Variants in DCDC1 observed in about 807,000 individuals in gnomAD.
DCDC1 encodes doublecortin domain-containing protein 1.
Under a neutral mutation model 178.3 loss-of-function variants are expected in DCDC1, and 200 were observed. The ratio of observed to expected loss-of-function variants is 1.12; its 90% CI spans 1.00 to 1.26. The LOEUF (loss-of-function observed/expected upper bound fraction) is 1.26, where lower values mean the gene tolerates loss of function less well. Ranked by LOEUF, DCDC1 falls within the 50% of genes most tolerant of loss-of-function variation. The pLI, the probability that DCDC1 is intolerant of heterozygous loss-of-function variation, is 0.00. For missense variants in DCDC1, 1,983 were observed against 1,749.2 expected, an observed-to-expected ratio of 1.13 and a Z score of -2.38; for synonymous variants, 690 against 604.8, an observed-to-expected ratio of 1.14 and a Z score of -2.07.
intron 37 of DCDC1, 141 bp from the exon 38 acceptor site, chr11:30,878,852 T>A: frequency 2.9e-6 from 2 of 686,750 alleles, no homozygotes; most frequent in Non-Finnish European, 4.6e-6. Context: ...CAACTTTGAC[T>A]TCTTATCACA....
chr11:31,220,873 G>T (rs754845494), intron 9 of DCDC1, among the ~76,000 whole-genome samples: 21 of 152,122 alleles, frequency 1.4e-4, no homozygotes, highest in Non-Finnish European at 2.9e-4. Context: ...TTCCTGGGTT[G>T]CAAACAACTG....
At chr11:31,197,024 T>G (rs1970772765) in intron 9 of DCDC1, among the ~76,000 whole-genome samples, 1 of 152,132 alleles carries the variant, frequency 6.6e-6, no homozygotes, top group African/African-American at 2.4e-5. Flanking sequence ...GATGCTCCTA[T>G]TACCCTTATC....
chr11:31,185,314 C>T (rs891133101), intron 9 of DCDC1, among the ~76,000 whole-genome samples: 6 of 152,116 alleles, frequency 3.9e-5, no homozygotes, highest in Admixed American at 1.3e-4. Context: ...ATGTAGATGA[C>T]GGGTTGATGG....
chr11:31,029,556 AT>A (rs985318761), intron 20 of DCDC1, among the ~76,000 whole-genome samples: 4 of 152,142 alleles, frequency 2.6e-5, no homozygotes, highest in Non-Finnish European at 4.4e-5. Flanking sequence ...AATTGACATT[AT>A]TTTAGCAAAC....
chr11:31,349,088 T>G (rs532530392), intron 1 of DCDC1, among the ~76,000 whole-genome samples: 1 of 152,178 alleles, frequency 6.6e-6, no homozygotes, highest in Non-Finnish European at 1.5e-5. Flanking sequence ...TTATGTTTCC[T>G]GTTGGAATTT....
chr11:31,257,094 G>A (rs758503391), intron 8 of DCDC1, among the ~76,000 whole-genome samples: 4 of 152,118 alleles, frequency 2.6e-5, no homozygotes, highest in African/African-American at 7.2e-5. Context: ...TAAATCTGTA[G>A]GCCAGCGCTT....
At chr11:31,224,416 A>G (rs894539358) in intron 9 of DCDC1, among the ~76,000 whole-genome samples, 1 of 152,098 alleles carries the variant, frequency 6.6e-6, no homozygotes, top group African/African-American at 2.4e-5. Flanking sequence ...ATTCTAGAAG[A>G]TAACATCAGA....
intron 21 of DCDC1, among the ~76,000 whole-genome samples, chr11:30,946,279 C>A (rs1039749145): frequency 6.6e-6 from 1 of 152,162 alleles, no homozygotes; most frequent in African/African-American, 2.4e-5. Flanking sequence ...TAGCCTCATC[C>A]TCCTTAAACC....
chr11:30,899,550 G>A lies in DCDC1; in HGVS notation c.4756C>T (p.Gln1586Ter), dbSNP rs551233661. ...DLDTMRHKMR[Q>*]LKGRRVAACQ... is the part of the protein sequence containing the mutation. ...TATAGTTCATACTGACCTTTTAACT[G>A]TCTCATTTTGTGTCTCATGGTATCT... Residue 1586 changes from glutamine (Q) to a stop codon, truncating the protein, a stop_gained, in exon 34 of 39, where the codon CAG becomes TAG. Transcript: ENST00000684477. LOFTEE classifies it high-confidence loss of function. 58 of 1,566,478 alleles carry A rather than the reference G, an allele frequency of 3.7e-5. 1 individual carries two copies. The South Asian group carries it at 6.8e-4, about 18-fold the overall frequency.
At chr11:31,081,005 T>C (rs1957136710) in intron 17 of DCDC1, among the ~76,000 whole-genome samples, 1 of 152,210 alleles carries the variant, frequency 6.6e-6, no homozygotes, top group Non-Finnish European at 1.5e-5. Flanking sequence ...GATTTGAGTT[T>C]CGACTTTCTG....
rs1949374250 is a variant in DCDC1 at position 31,321,755 on chromosome 11, A to T, written c.164+6362T>A. ...ATTACTGTACTCCCTTCAAAAAATA[A>T]ATATTTAATAAATGTTGATCTCAAC... is the stretch of plus-strand genomic sequence containing the variant. On this transcript the variant is annotated intron_variant, in intron 3 of 38. Transcript: ENST00000684477. Among the ~76,000 whole-genome samples, 3 of 152,314 alleles carry T rather than the reference A, an allele frequency of 2.0e-5. No homozygotes were observed. The South Asian group carries it at 6.2e-4, about 32-fold the overall frequency.
intron 9 of DCDC1, among the ~76,000 whole-genome samples, chr11:31,147,677 T>G (rs1964593433): frequency 6.6e-6 from 1 of 152,224 alleles, no homozygotes; most frequent in African/African-American, 2.4e-5. Flanking sequence ...GGACATTTAC[T>G]GTGAGGACAT....
chr11:31,103,144 C>T lies in DCDC1; in HGVS notation c.1877+500G>A, dbSNP rs76001927. ...ATTATTTGCAGATAAGAAACCAACA[C>T]CAATCTGCTCCTGGACAATCACGAG... On this transcript the variant is annotated intron_variant, in intron 14 of 38. Transcript: ENST00000684477. Among the ~76,000 whole-genome samples the T allele has an allele frequency of 5.4e-3, 822 of 152,268 alleles. 5 individuals are homozygous for T. Among genetic ancestry groups the T allele is most frequent in the Non-Finnish European group, 9.4e-3 (638 of 68,020 alleles).
chr11:31,324,174 T>C (rs560222975), intron 3 of DCDC1, among the ~76,000 whole-genome samples: 52 of 152,034 alleles, frequency 3.4e-4, no homozygotes, highest in Non-Finnish European at 6.8e-4. Flanking sequence ...CTACATAGAA[T>C]ATATTCAATA....
chr11:30,968,262 G>A (rs1424889935), intron 20 of DCDC1, among the ~76,000 whole-genome samples: 1 of 152,092 alleles, frequency 6.6e-6, no homozygotes, highest in African/African-American at 2.4e-5. Context: ...AGTCAACAGA[G>A]AGGACATGGG....
intron 27 of DCDC1, among the ~76,000 whole-genome samples, chr11:30,912,286 T>C (rs893617864): frequency 3.4e-4 from 51 of 152,038 alleles, no homozygotes; most frequent in African/African-American, 1.2e-3. Context: ...GGTATTCTTT[T>C]TTTTTTTTCT....
chr11:31,028,043 G>C (rs955594140), intron 20 of DCDC1, among the ~76,000 whole-genome samples: 2 of 151,586 alleles, frequency 1.3e-5, no homozygotes, highest in African/African-American at 4.8e-5. Flanking sequence ...ATAATCTAAA[G>C]CACATAATTA....
intron 9 of DCDC1, among the ~76,000 whole-genome samples, chr11:31,183,684 C>T (rs575138772): frequency 8.5e-5 from 13 of 152,168 alleles, no homozygotes; most frequent in African/African-American, 3.1e-4. Flanking sequence ...ACAATTGCTA[C>T]AAAGAGAATA....
chr11:31,115,500 G>A (rs760540997), intron 11 of DCDC1, among the ~76,000 whole-genome samples: 6 of 152,174 alleles, frequency 3.9e-5, no homozygotes, highest in Non-Finnish European at 5.9e-5. Context: ...TGACACCGCA[G>A]TGTGTTGCCA....
Sources: gnomAD v4.1 joint callset for allele counts (sites outside exome capture counted in the v4.1 genomes callset) on GRCh38, gnomAD v4.1.1 for gene constraint, MANE v1.5 for transcripts, NCBI Gene and HGNC (gene_info 2026-07-23, HGNC 2026-07-21) for gene names.